The following MTA3 variants were observed in gnomAD, a reference collection of about 807,000 sequenced individuals.
MTA3 encodes metastasis-associated protein MTA3.
MTA3 carries 34 observed loss-of-function variants against 83.5 expected under a neutral mutation model. That is an observed-to-expected ratio of 0.41 (90% CI 0.31 to 0.54). The LOEUF (loss-of-function observed/expected upper bound fraction) is 0.54, where lower values mean the gene tolerates loss of function less well. Among genes scored for constraint, MTA3 ranks in the 20% least tolerant of loss-of-function variants. The pLI, the probability that MTA3 is intolerant of heterozygous loss-of-function variation, is 0.33. For synonymous variants in MTA3, 303 were observed against 252.7 expected (o/e 1.20, Z -1.89); for missense variants, 761 against 726.4 (o/e 1.05, Z -0.55).
intron 3 of MTA3, among the ~76,000 whole-genome samples, chr2:42,584,846 A>G (rs2103898978): frequency 6.6e-6 from 1 of 151,524 alleles, no homozygotes. Context: ...GTGTGTTTGC[A>G]CTCCACCCTG....
At chr2:42,495,094 A>C (rs1043968152) in intron 1 of MTA3, 1 of 152,686 alleles carries the variant, frequency 6.5e-6, no homozygotes, top group Non-Finnish European at 1.5e-5. Flanking sequence ...CGGTCATCTG[A>C]CCACAGGGTA....
chr2:42,636,842 G>A (rs969851187), intron 4 of MTA3, among the ~76,000 whole-genome samples: 10 of 151,980 alleles, frequency 6.6e-5, no homozygotes, highest in African/African-American at 2.4e-4. Flanking sequence ...GGCCAGGCTG[G>A]TCTCGAACTC....
intron 9 of MTA3, among the ~76,000 whole-genome samples, chr2:42,695,073 C>G (rs1450912767): frequency 6.6e-6 from 1 of 152,140 alleles, no homozygotes; most frequent in Admixed American, 6.5e-5. Flanking sequence ...GAGGTTGAGA[C>G]TGCAGTGAGC....
chr2:42,626,120 T>C (rs932687900), intron 4 of MTA3, among the ~76,000 whole-genome samples: 7 of 150,986 alleles, frequency 4.6e-5, no homozygotes, highest in Non-Finnish European at 1.0e-4. Flanking sequence ...TTTTTTTGTA[T>C]TTTTAGTAGA....
intron 2 of MTA3, chr2:42,533,083 CTT>C (rs1165012015): frequency 1.2e-3 from 142 of 116,922 alleles, no homozygotes; most frequent in South Asian, 5.8e-3. Context: ...GTGGGGCATT[CTT>C]TTTTTTTTTT....
At chr2:42,556,607 G>A (rs139079399) in intron 2 of MTA3, among the ~76,000 whole-genome samples, 60 of 152,298 alleles carry the variant, frequency 3.9e-4, no homozygotes, top group African/African-American at 1.4e-3. Flanking sequence ...GCCCGATGCT[G>A]CAGATGCTTT....
chr2:42,530,109 C>T (rs879479871), intron 2 of MTA3, among the ~76,000 whole-genome samples: 4 of 150,472 alleles, frequency 2.7e-5, no homozygotes, highest in Admixed American at 6.7e-5. Context: ...AGCTTGAAAC[C>T]GGAGGGCAGA....
chr2:42,606,832 C>T (rs987471770), intron 3 of MTA3, among the ~76,000 whole-genome samples: 6 of 149,500 alleles, frequency 4.0e-5, no homozygotes, highest in Admixed American at 2.7e-4. Flanking sequence ...AATCCCGGCA[C>T]CTCGGGAGGC....
chr2:42,578,580 G>C (rs1179270546), intron 2 of MTA3, among the ~76,000 whole-genome samples: 4 of 152,150 alleles, frequency 2.6e-5, no homozygotes, highest in African/African-American at 9.7e-5. Flanking sequence ...CTGCATGATG[G>C]CTGCTTCCCA....
chr2:42,664,466 C>CTTTTTTTT lies in MTA3; in HGVS notation c.702+4625_702+4632dup, dbSNP rs35633597. ...CCTACTACCCCCTCACCCCGCTTAC[C>CTTTTTTTT]TTTTTTTTTTTTTTTTTTTTTTTTT... On this transcript the variant is annotated intron_variant, in intron 8 of 16. Transcript: ENST00000405094. Among the ~76,000 whole-genome samples, 7 of 85,758 alleles carry CTTTTTTTT rather than the reference C, an allele frequency of 8.2e-5. 2 individuals carry two copies. The highest frequency in any genetic ancestry group is 1.5e-4 in the Admixed American group (1 of 6,706). The allele number at this position is 85,758 out of a possible 152,430, so 56.3% of individuals were successfully genotyped here.
chr2:42,670,015 G>A (rs1367705555), intron 8 of MTA3, among the ~76,000 whole-genome samples: 4 of 152,032 alleles, frequency 2.6e-5, no homozygotes, highest in Admixed American at 6.6e-5. Context: ...CTGTAATCCA[G>A]GCGTGAGGCC....
intron 4 of MTA3, among the ~76,000 whole-genome samples, chr2:42,618,581 A>G (rs1043262493): frequency 2.0e-5 from 3 of 152,124 alleles, no homozygotes; most frequent in Admixed American, 1.3e-4. Context: ...CAGAAGTACT[A>G]CTGACATTTT....
At chr2:42,620,767 T>A (rs75982380) in intron 4 of MTA3, among the ~76,000 whole-genome samples, 1 of 152,188 alleles carries the variant, frequency 6.6e-6, no homozygotes, top group Admixed American at 6.6e-5. Context: ...GTGTTGGGAT[T>A]ACGGGGATGA....
intron 6 of MTA3, among the ~76,000 whole-genome samples, chr2:42,651,067 T>G (rs1473408865): frequency 6.6e-6 from 1 of 152,182 alleles, no homozygotes; most frequent in Non-Finnish European, 1.5e-5. Flanking sequence ...GTACAGCATG[T>G]TACTATACTG....
intron 2 of MTA3, among the ~76,000 whole-genome samples, chr2:42,543,934 T>A (rs1032414296): frequency 6.6e-6 from 1 of 152,066 alleles, no homozygotes; most frequent in Non-Finnish European, 1.5e-5. Flanking sequence ...CAAGTGGTCC[T>A]CCTGTTAGAG....
At chr2:42,709,209 G>C in intron 14 of MTA3, 113 bp downstream of exon 14, 11 of 1,452,450 alleles carry the variant, frequency 7.6e-6, no homozygotes, top group Non-Finnish European at 9.9e-6. Context: ...AAGTTCTTGT[G>C]TACAGCCTTT....
intron 8 of MTA3, among the ~76,000 whole-genome samples, chr2:42,673,634 T>A (rs1290919960): frequency 6.6e-6 from 1 of 152,188 alleles, no homozygotes; most frequent in Non-Finnish European, 1.5e-5. Context: ...CCCCTTGGGA[T>A]CAGCACTTGT....
intron 3 of MTA3, among the ~76,000 whole-genome samples, chr2:42,606,640 C>T (rs1270309608): frequency 6.7e-6 from 1 of 149,218 alleles, no homozygotes; most frequent in Non-Finnish European, 1.5e-5. Flanking sequence ...AGACGATGGG[C>T]GGCCAGGCAG....
intron 2 of MTA3, among the ~76,000 whole-genome samples, chr2:42,529,420 TC>T (rs751151864): frequency 1.5e-4 from 23 of 152,188 alleles, no homozygotes; most frequent in Admixed American, 2.6e-4. Flanking sequence ...TCCTCACCTG[TC>T]CTTAGGTGCC....
Sources: allele counts gnomAD v4.1 joint callset (sites outside exome capture counted in the v4.1 genomes callset), GRCh38; gene constraint gnomAD v4.1.1; transcripts MANE v1.5; gene names NCBI Gene and HGNC (gene_info 2026-07-23, HGNC 2026-07-21).